IL6ST: variants seen among roughly 807,000 people sequenced by gnomAD.
The protein encoded by IL6ST is interleukin 6 cytokine family signal transducer.
Under a neutral mutation model 91.3 loss-of-function variants are expected in IL6ST, and 24 were observed. That is an observed-to-expected ratio of 0.26 (90% CI 0.19 to 0.37). IL6ST has a LOEUF of 0.37. IL6ST is among the 10% of genes least tolerant of loss of function. IL6ST has a pLI of 1.00. For synonymous variants in IL6ST, 351 were observed against 373.6 expected (o/e 0.94, Z 0.70); for missense variants, 914 against 1,078.5 (o/e 0.85, Z 2.14).
intron 7 of IL6ST, among the ~76,000 whole-genome samples, chr5:55,962,489 A>G (rs1318356713): frequency 6.6e-6 from 1 of 152,176 alleles, no homozygotes; most frequent in Admixed American, 6.5e-5. Flanking sequence ...CAGTCTTACA[A>G]GCTCCCTATC....
chr5:55,947,224 C>G (rs577086061), intron 15 of IL6ST, among the ~76,000 whole-genome samples: 28 of 152,156 alleles, frequency 1.8e-4, no homozygotes, highest in African/African-American at 6.5e-4. Flanking sequence ...AATAAAAATT[C>G]TAGAAAAGGC....
intron 9 of IL6ST, among the ~76,000 whole-genome samples, chr5:55,956,449 T>C (rs541369563): frequency 2.0e-5 from 3 of 152,316 alleles, no homozygotes; most frequent in Admixed American, 2.0e-4. Flanking sequence ...AAAGGGTAAG[T>C]AGCATCATTC....
At chr5:55,984,528 C>T (rs1338833141) in intron 1 of IL6ST, among the ~76,000 whole-genome samples, 3 of 152,108 alleles carry the variant, frequency 2.0e-5, no homozygotes, top group South Asian at 2.1e-4. Flanking sequence ...GGAATCTCAA[C>T]GACGATGGCT....
intron 15 of IL6ST, among the ~76,000 whole-genome samples, chr5:55,945,838 G>A (rs889088510): frequency 2.6e-5 from 4 of 151,564 alleles, no homozygotes; most frequent in African/African-American, 9.7e-5. Context: ...TTTTAGTAGA[G>A]ATGTTAGCCA....
At chr5:55,986,438 T>A (rs543443717) in intron 1 of IL6ST, among the ~76,000 whole-genome samples, 1 of 152,326 alleles carries the variant, frequency 6.6e-6, no homozygotes, top group East Asian at 1.9e-4. Context: ...TCTCCCATTC[T>A]TTTTTGTTTA....
At chr5:55,979,083 A>G (rs574699868) in intron 2 of IL6ST, among the ~76,000 whole-genome samples, 1 of 152,218 alleles carries the variant, frequency 6.6e-6, no homozygotes, top group South Asian at 2.1e-4. Flanking sequence ...AATCTCATAT[A>G]TAATACAGAA....
chr5:55,988,099 C>G (rs1220493733), intron 1 of IL6ST, among the ~76,000 whole-genome samples: 1 of 150,164 alleles, frequency 6.7e-6, no homozygotes, highest in Non-Finnish European at 1.5e-5. Flanking sequence ...CCACTGCACT[C>G]CAGCCTGGGC....
Position 55,968,338 on chromosome 5 carries a change from C to T in IL6ST, c.429G>A (p.Arg143=). The T allele has an allele frequency of 3.1e-6, 5 of 1,609,874 alleles. No individual in the cohort carries two copies. Among genetic ancestry groups the T allele is most frequent in the Non-Finnish European group, 4.2e-6 (5 of 1,178,364 alleles). ...SCIVNEGKKM[R]CEWDGGRETH... ...TTTCCCTTCCACCATCCCACTCACACCTCATTTTCTTCCCCTCGTTCACAA... is the reference window on the plus strand; with the variant it reads ...TTTCCCTTCCACCATCCCACTCACATCTCATTTTCTTCCCCTCGTTCACAA... The change falls in exon 5 of 17, where the codon AGG becomes AGA. Residue 143 remains arginine, a synonymous_variant. Transcript: ENST00000381298.
chr5:55,978,619 A>G (rs1277286774), intron 2 of IL6ST, among the ~76,000 whole-genome samples: 1 of 152,110 alleles, frequency 6.6e-6, no homozygotes, highest in Non-Finnish European at 1.5e-5. Flanking sequence ...CCAGCTACTC[A>G]GGAGGCTGAG....
intron 3 of IL6ST, among the ~76,000 whole-genome samples, chr5:55,974,299 G>A (rs1753142270): frequency 1.3e-5 from 2 of 152,056 alleles, no homozygotes; most frequent in Non-Finnish European, 2.9e-5. Flanking sequence ...GCCAAACACT[G>A]TCCAAATATT....
intron 14 of IL6ST, among the ~76,000 whole-genome samples, chr5:55,948,240 T>C (rs1249239406): frequency 6.6e-6 from 1 of 152,180 alleles, no homozygotes; most frequent in Non-Finnish European, 1.5e-5. Context: ...CAAATCCTCA[T>C]CTGCATTTAA....
rs547735005 is a variant in IL6ST, at chr5:55,939,551, C to T, written c.*1531G>A. ...TCTCCAATAACCTCTAGAAACTATT[C>T]TAAGCATGCCTGGTTTCTGTAACTT... On this transcript the variant is annotated 3_prime_UTR_variant, in exon 17 of 17. Transcript: ENST00000381298. 56 of 205,528 alleles carry T rather than the reference C, an allele frequency of 2.7e-4. No homozygotes were observed. Among genetic ancestry groups the T allele is most frequent in the African/African-American group, 1.2e-3 (53 of 43,956 alleles). The allele number at this position is 205,528 out of a possible 1,614,324, so 12.7% of individuals were successfully genotyped here. A position where few individuals can be genotyped will look rare whatever the true frequency, so the allele number is the denominator to read the frequency against.
At chr5:55,974,675 G>A (rs1333707902) in intron 3 of IL6ST, among the ~76,000 whole-genome samples, 10 of 151,972 alleles carry the variant, frequency 6.6e-5, no homozygotes, top group African/African-American at 2.4e-4. Flanking sequence ...TAGTAGATAC[G>A]GGGTTTTACC....
chr5:55,988,956 A>T (rs1316657725), intron 1 of IL6ST, among the ~76,000 whole-genome samples: 3 of 148,796 alleles, frequency 2.0e-5, no homozygotes, highest in Non-Finnish European at 4.5e-5. Context: ...ATAAAAAATA[A>T]AAAAAAAATA....
In IL6ST at chr5:55,981,561, T is replaced by A. The variant is rs573626245; in HGVS notation, c.-16+1163A>T. Among the ~76,000 whole-genome samples the A allele has an allele frequency of 2.0e-5, 3 of 152,174 alleles. No individual in the cohort carries two copies. The East Asian group carries it at 5.8e-4, about 29-fold the overall frequency. On this transcript the variant is annotated intron_variant, in intron 2 of 16. Transcript: ENST00000381298. Reference sequence around the variant, plus strand: ...AGGAGGCTGAGGTAGGAGAATCACTTGAACCTGGGAGGCGGAGGTTGCAGC... The same window carrying A: ...AGGAGGCTGAGGTAGGAGAATCACTAGAACCTGGGAGGCGGAGGTTGCAGC...
chr5:55,985,336 G>A (rs1753901206), intron 1 of IL6ST, among the ~76,000 whole-genome samples: 1 of 152,012 alleles, frequency 6.6e-6, no homozygotes, highest in Admixed American at 6.6e-5. Context: ...GGTATATGGT[G>A]AAACCCTGTC....
rs145020363 is a variant in IL6ST at position 55,956,228 on chromosome 5, G to A, written c.1064C>T (p.Pro355Leu). ...RTVQLVWKTL[P>L]PFEANGKILD... The stretch of plus-strand genomic sequence containing the variant: ...GATTTTTCCATTGGCTTCAAAAGGA[G>A]GCAATGTCTGTAATAAAATAGTTTA... The change falls in exon 10 of 17, where the codon CCT becomes CTT. Residue 355 changes from proline to leucine, a missense_variant. Pro to Leu is a moderately conservative substitution (Grantham distance 98). Transcript: ENST00000381298. 8.7e-5 allele frequency: 136 copies of A among 1,562,790 alleles called. No homozygotes were observed. The highest frequency in any genetic ancestry group is 1.7e-4 in the Middle Eastern group (1 of 5,798).
rs531300673 is a variant in IL6ST at position 55,977,396 on chromosome 5, C to T, written c.-15-1103G>A. Among the ~76,000 whole-genome samples the T allele has an allele frequency of 2.6e-5, 4 of 151,722 alleles. 1 individual carries two copies. Among genetic ancestry groups the T allele is most frequent in the South Asian group, 2.1e-4 (1 of 4,762 alleles). Reference sequence around the variant, plus strand: ...GCATGTGCCTCAGAAATTCTTGATACGGCAAAACTAAGGTGACAGAAAGCA... The same window carrying T: ...GCATGTGCCTCAGAAATTCTTGATATGGCAAAACTAAGGTGACAGAAAGCA... On this transcript the variant is annotated intron_variant, in intron 2 of 16. Coordinates refer to ENST00000381298, the MANE Select transcript of IL6ST (RefSeq NM_002184.4).
At chr5:55,979,122 T>C (rs1753491200) in intron 2 of IL6ST, among the ~76,000 whole-genome samples, 1 of 152,134 alleles carries the variant, frequency 6.6e-6, no homozygotes, top group African/African-American at 2.4e-5. Context: ...TTGGGTGCAG[T>C]GGCCCACACC....
Sources: allele counts gnomAD v4.1 joint callset (sites outside exome capture counted in the v4.1 genomes callset), GRCh38; gene constraint gnomAD v4.1.1; transcripts MANE v1.5; gene names NCBI Gene and HGNC (gene_info 2026-07-23, HGNC 2026-07-21).